Variants in LMBRD1 observed in about 807,000 individuals in gnomAD.
LMBRD1 encodes the protein LMBR1 domain containing 1, also known as lysosomal cobalamin transport escort protein LMBD1.
Under a neutral mutation model 74.8 loss-of-function variants are expected in LMBRD1, and 64 were observed. That is an observed-to-expected ratio of 0.86 (90% CI 0.70 to 1.05). The LOEUF (loss-of-function observed/expected upper bound fraction) is 1.05. Among genes scored for constraint, LMBRD1 ranks in the 50% least tolerant of loss-of-function variants. The pLI is 0.00. For missense variants in LMBRD1, 652 were observed against 645.9 expected, an observed-to-expected ratio of 1.01 and a Z score of -0.10; for synonymous variants, 204 against 216.3, an observed-to-expected ratio of 0.94 and a Z score of 0.50.
intron 2 of LMBRD1, 60 bp downstream of exon 2, chr6:69,790,236 C>A (rs1486913177): frequency 3.6e-6 from 4 of 1,114,766 alleles, no homozygotes; most frequent in Non-Finnish European, 5.4e-6. Flanking sequence ...ATGTATCGGA[C>A]TGCCAAGTGT....
intron 3 of LMBRD1, among the ~76,000 whole-genome samples, chr6:69,761,925 G>C (rs149379923): frequency 6.6e-6 from 1 of 152,166 alleles, no homozygotes; most frequent in East Asian, 1.9e-4. Flanking sequence ...ACTTAGCACA[G>C]GGGTTGGGAT....
chr6:69,782,851 T>A (rs1022449979), intron 2 of LMBRD1, among the ~76,000 whole-genome samples: 17 of 152,226 alleles, frequency 1.1e-4, no homozygotes, highest in Admixed American at 1.1e-3. Flanking sequence ...CTAATTAACA[T>A]TTATTGGTTT....
chr6:69,777,102 T>C (rs1224719041), intron 3 of LMBRD1, among the ~76,000 whole-genome samples: 1 of 151,890 alleles, frequency 6.6e-6, no homozygotes, highest in Non-Finnish European at 1.5e-5. Flanking sequence ...GAGCCAAAAT[T>C]GTGCCACTGC....
chr6:69,752,387 C>T, intron 3 of LMBRD1, 31 bp from the exon 4 acceptor site: 2 of 1,529,424 alleles, frequency 1.3e-6, no homozygotes, highest in Non-Finnish European at 1.8e-6. Flanking sequence ...CCGAGCTTTA[C>T]TAAATACATA....
At chr6:69,683,021 T>C (rs1439627229) in intron 14 of LMBRD1, among the ~76,000 whole-genome samples, 1 of 152,050 alleles carries the variant, frequency 6.6e-6, no homozygotes, top group Non-Finnish European at 1.5e-5. Flanking sequence ...TTGGTGTAGA[T>C]ACTGGAGAAC....
chr6:69,691,800 C>T (rs569217762), intron 14 of LMBRD1, among the ~76,000 whole-genome samples: 8 of 142,718 alleles, frequency 5.6e-5, no homozygotes, highest in African/African-American at 1.8e-4. Flanking sequence ...GGCATGAACC[C>T]GGGAGGCGAA....
At chr6:69,785,727 T>C (rs1380402124) in intron 2 of LMBRD1, among the ~76,000 whole-genome samples, 1 of 152,242 alleles carries the variant, frequency 6.6e-6, no homozygotes, top group Non-Finnish European at 1.5e-5. Flanking sequence ...TTACCTTCAT[T>C]AACTTCATAT....
At chr6:69,698,528 TTC>T (rs1191074481) in intron 13 of LMBRD1, among the ~76,000 whole-genome samples, 4 of 151,968 alleles carry the variant, frequency 2.6e-5, no homozygotes, top group Non-Finnish European at 5.9e-5. Context: ...AAACTTACTG[TTC>T]TATTAAAACT....
At chr6:69,770,151 C>T (rs1765548830) in intron 3 of LMBRD1, among the ~76,000 whole-genome samples, 1 of 152,146 alleles carries the variant, frequency 6.6e-6, no homozygotes, top group Non-Finnish European at 1.5e-5. Context: ...GGGTCCTCTC[C>T]GCTCACCTGA....
chr6:69,718,537 G>A (rs745804188), intron 8 of LMBRD1, among the ~76,000 whole-genome samples: 6 of 152,182 alleles, frequency 3.9e-5, no homozygotes, highest in South Asian at 2.1e-4. Flanking sequence ...AGGTTTGATT[G>A]ACTCACAGTT....
chr6:69,725,189 T>C (rs1225316157), intron 7 of LMBRD1, among the ~76,000 whole-genome samples: 4 of 151,960 alleles, frequency 2.6e-5, no homozygotes, highest in African/African-American at 9.7e-5. Flanking sequence ...ATGAAAACTA[T>C]AAAATACTGA....
chr6:69,705,908 G>C, intron 9 of LMBRD1: 1 of 1,285,968 alleles, frequency 7.8e-7, no homozygotes, highest in Non-Finnish European at 1.1e-6. Context: ...AAAATTGTTG[G>C]CTGTACAGAC....
chr6:69,790,497 TTGTTAC>T, intron 1 of LMBRD1, 25 bp from the exon 2 acceptor site: 1 of 1,604,078 alleles, frequency 6.2e-7, no homozygotes, highest in Non-Finnish European at 8.5e-7. Context: ...AAAGAGATGT[TTGTTAC>T]TACCCAGTGT....
intron 13 of LMBRD1, among the ~76,000 whole-genome samples, chr6:69,698,499 T>C (rs1005570154): frequency 6.6e-6 from 1 of 151,994 alleles, no homozygotes; most frequent in Non-Finnish European, 1.5e-5. Context: ...TCAGAATATT[T>C]TGAATCGTCA....
chr6:69,695,510 C>T (rs1227947588), intron 14 of LMBRD1, among the ~76,000 whole-genome samples: 1 of 152,128 alleles, frequency 6.6e-6, no homozygotes, highest in East Asian at 1.9e-4. Context: ...TCCACGAATG[C>T]TCAAGTCCCT....
intron 14 of LMBRD1, among the ~76,000 whole-genome samples, chr6:69,678,403 A>C (rs530447675): frequency 6.6e-6 from 1 of 152,084 alleles, no homozygotes; most frequent in East Asian, 1.9e-4. Flanking sequence ...GTAGAATAGG[A>C]GGCAGGAGAG....
intron 3 of LMBRD1, among the ~76,000 whole-genome samples, chr6:69,765,041 T>C (rs1765450902): frequency 6.6e-6 from 1 of 151,970 alleles, no homozygotes; most frequent in Admixed American, 6.6e-5. Flanking sequence ...GAGATTCTCC[T>C]GCCTCAGCCT....
rs369575833 is a variant in LMBRD1, at chr6:69,796,984, T to C, written c.-103A>G. 1.2e-4 allele frequency: 125 copies of C among 1,001,362 alleles called. No individual in the cohort carries two copies. The African/African-American group carries it at 1.7e-3, about 13-fold the overall frequency. 62.0% of individuals were successfully genotyped at this position (1,001,362 alleles called of 1,614,324 possible). On this transcript the variant is annotated 5_prime_UTR_variant, in exon 1 of 16. Transcript: ENST00000649934. Reference sequence around the variant, plus strand: ...TACTGCACCCGCGCACCCTAAAGGTTAAAGGGGCGGAGGGGGAGGAGCAAG... The same window carrying C: ...TACTGCACCCGCGCACCCTAAAGGTCAAAGGGGCGGAGGGGGAGGAGCAAG...
At chr6:69,728,001 T>G (rs986292236) in intron 7 of LMBRD1, among the ~76,000 whole-genome samples, 2 of 152,200 alleles carry the variant, frequency 1.3e-5, no homozygotes, top group Non-Finnish European at 2.9e-5. Context: ...GTTCTCACAT[T>G]GCTATAAAGA....
Sources: allele counts gnomAD v4.1 joint callset (sites outside exome capture counted in the v4.1 genomes callset), GRCh38; gene constraint gnomAD v4.1.1; transcripts MANE v1.5; gene names NCBI Gene and HGNC (gene_info 2026-07-23, HGNC 2026-07-21).